Variants in FAM216A observed in about 807,000 individuals in gnomAD.
FAM216A encodes the protein protein FAM216A.
In FAM216A, 26 loss-of-function variants were observed where a neutral mutation model predicts 37.6. That is an observed-to-expected ratio of 0.69 (90% CI 0.51 to 0.96). The LOEUF (loss-of-function observed/expected upper bound fraction) is 0.96, where lower values mean the gene tolerates loss of function less well. FAM216A is among the 40% of genes least tolerant of loss of function. The pLI, the probability that FAM216A is intolerant of heterozygous loss-of-function variation, is 0.00. For synonymous variants in FAM216A, 110 were observed against 121.7 expected (o/e 0.90, Z 0.64); for missense variants, 326 against 339.3 (o/e 0.96, Z 0.31).
chr12:110,471,016 A>G (rs2135539407), intron 1 of FAM216A, among the ~76,000 whole-genome samples: 1 of 152,246 alleles, frequency 6.6e-6, no homozygotes, highest in East Asian at 1.9e-4. Context: ...AATTCCGGTC[A>G]TATTTACTAA....
chr12:110,475,821 C>T (rs916487261), intron 2 of FAM216A, among the ~76,000 whole-genome samples: 3 of 152,158 alleles, frequency 2.0e-5, no homozygotes, highest in African/African-American at 7.2e-5. Flanking sequence ...ACTGCAGCCT[C>T]CACCTCCTGG....
At position 110,481,457 on chromosome 12, in the gene FAM216A, G is replaced by A. The variant is rs531405792; in HGVS notation, c.185-3621G>A. Among the ~76,000 whole-genome samples, 7 of 152,082 alleles carry A rather than the reference G, an allele frequency of 4.6e-5. No individual in the cohort carries two copies. The South Asian group carries it at 1.5e-3, about 32-fold the overall frequency. ...CCTGCCAGGTTCAAGTGATTCTTCTGCCTCAGCCTCCCAAGTAGCTGGGAT... is the reference window on the plus strand; with the variant it reads ...CCTGCCAGGTTCAAGTGATTCTTCTACCTCAGCCTCCCAAGTAGCTGGGAT... On this transcript the variant is annotated intron_variant, in intron 2 of 6. Coordinates refer to ENST00000377673, the MANE Select transcript of FAM216A (RefSeq NM_013300.3).
At chr12:110,481,494 G>C (rs1224806846) in intron 2 of FAM216A, among the ~76,000 whole-genome samples, 1 of 151,308 alleles carries the variant, frequency 6.6e-6, no homozygotes, top group Non-Finnish European at 1.5e-5. Flanking sequence ...ACAGGGGTGT[G>C]ACACCATGCC....
chr12:110,485,092 G>T lies in FAM216A; in HGVS notation c.199G>T (p.Gly67Ter), dbSNP rs983586082. The T allele has an allele frequency of 1.2e-6, 2 of 1,608,764 alleles. No individual in the cohort carries two copies. The highest frequency in any genetic ancestry group is 1.7e-6 in the Non-Finnish European group (2 of 1,178,648). The part of the protein sequence containing the change: ...NSKGSDRIKD[G>*]YKVNSHIAKL... ...TTTGCCTACAGATAGAATCAAAGAT[G>T]GATACAAAGTGAACTCACACATAGC... The change falls in exon 3 of 7, where the codon GGA becomes TGA. Residue 67 changes from glycine (G) to a stop codon, truncating the protein, a stop_gained. Coordinates refer to ENST00000377673, the MANE Select transcript of FAM216A (RefSeq NM_013300.3). LOFTEE classifies it high-confidence loss of function.
chr12:110,479,466 T>C (rs1187973724), intron 2 of FAM216A, among the ~76,000 whole-genome samples: 1 of 151,468 alleles, frequency 6.6e-6, no homozygotes, highest in Non-Finnish European at 1.5e-5. Flanking sequence ...TTAACTACAA[T>C]ATATTATTTG....
chr12:110,484,624 A>G (rs149610664), intron 2 of FAM216A, among the ~76,000 whole-genome samples: 62 of 152,020 alleles, frequency 4.1e-4, no homozygotes, highest in African/African-American at 1.4e-3. Context: ...ATATTTATTT[A>G]CAAGTATCTT....
upstream of FAM216A, chr12:110,468,493 A>G (rs1214582145): frequency 3.9e-6 from 6 of 1,537,232 alleles, no homozygotes; most frequent in Admixed American, 3.9e-5. Context: ...CGGACAACAG[A>G]TAAAGCTCCG....
chr12:110,488,410 C>CAAAAA (rs572459416), intron 6 of FAM216A, among the ~76,000 whole-genome samples: 22 of 49,982 alleles, frequency 4.4e-4, no homozygotes, highest in East Asian at 5.8e-4. Flanking sequence ...GACTCCATCT[C>CAAAAA]AAAAAAAAAA....
intron 2 of FAM216A, among the ~76,000 whole-genome samples, chr12:110,479,164 A>T (rs1393125354): frequency 7.6e-6 from 1 of 131,204 alleles, no homozygotes. Flanking sequence ...ACTCTGTCTC[A>T]AAAAAAAAAA....
rs190191495 is a variant in FAM216A at position 110,474,299 on chromosome 12, G to A, written c.184+1181G>A. Among the ~76,000 whole-genome samples the A allele has an allele frequency of 9.8e-4, 149 of 152,094 alleles. 2 individuals carry two copies. The South Asian group carries it at 0.015, about 15-fold the overall frequency. ...AATAAAGAAATATTAACAATTATCAGTATATTAGATTGACTTAGTTATATA... is the reference window on the plus strand; with the variant it reads ...AATAAAGAAATATTAACAATTATCAATATATTAGATTGACTTAGTTATATA... On this transcript the variant is annotated intron_variant, in intron 2 of 6. Coordinates refer to ENST00000377673, the MANE Select transcript of FAM216A (RefSeq NM_013300.3).
intron 6 of FAM216A, among the ~76,000 whole-genome samples, chr12:110,488,997 T>A (rs1294283969): frequency 6.6e-6 from 1 of 152,164 alleles, no homozygotes; most frequent in Non-Finnish European, 1.5e-5. Context: ...GCCAAGCAGG[T>A]GATATTATCA....
intron 2 of FAM216A, among the ~76,000 whole-genome samples, chr12:110,481,565 GT>G (rs2062747237): frequency 1.3e-5 from 2 of 149,466 alleles, no homozygotes; most frequent in Admixed American, 1.3e-4. Flanking sequence ...GTTTCACCAT[GT>G]TGCCCAGGCT....
chr12:110,486,741 G>C, intron 5 of FAM216A, 24 bp downstream of exon 5: 3 of 1,584,718 alleles, frequency 1.9e-6, no homozygotes, highest in Non-Finnish European at 2.6e-6. Flanking sequence ...TGTAAAAGGG[G>C]GGAAATGCAT....
chr12:110,476,681 C>A (rs1285443891), intron 2 of FAM216A, among the ~76,000 whole-genome samples: 2 of 151,880 alleles, frequency 1.3e-5, no homozygotes, highest in Non-Finnish European at 2.9e-5. Context: ...GCACATGCCA[C>A]CATGCCTGGC....
intron 6 of FAM216A, among the ~76,000 whole-genome samples, chr12:110,488,709 G>A (rs910371192): frequency 6.6e-6 from 1 of 152,144 alleles, no homozygotes; most frequent in Non-Finnish European, 1.5e-5. Flanking sequence ...AAGACCCCCA[G>A]TGGATGGCTG....
intron 5 of FAM216A, chr12:110,487,010 C>A (rs531602416): frequency 4.5e-5 from 14 of 311,472 alleles, no homozygotes; most frequent in Admixed American, 4.2e-4. Flanking sequence ...GGATTACAGG[C>A]GTGAGCTACT....
upstream of FAM216A, chr12:110,468,644 T>C (rs1592971623): frequency 6.5e-7 from 1 of 1,537,048 alleles, no homozygotes; most frequent in Non-Finnish European, 8.7e-7. Context: ...CATGTATATT[T>C]CCCTCCTGTG....
At chr12:110,472,053 G>A (rs544676030) in intron 1 of FAM216A, among the ~76,000 whole-genome samples, 33 of 151,964 alleles carry the variant, frequency 2.2e-4, no homozygotes, top group Non-Finnish European at 3.7e-4. Flanking sequence ...CCAACATGGC[G>A]AAACCTTGTC....
At chr12:110,472,678 C>T (rs1359926400) in intron 1 of FAM216A, among the ~76,000 whole-genome samples, 2 of 152,074 alleles carry the variant, frequency 1.3e-5, no homozygotes, top group Admixed American at 1.3e-4. Context: ...GCAACACTAT[C>T]CTTTTTTAAA....
Sources: gnomAD v4.1 joint callset for allele counts (sites outside exome capture counted in the v4.1 genomes callset) on GRCh38, gnomAD v4.1.1 for gene constraint, MANE v1.5 for transcripts, NCBI Gene and HGNC (gene_info 2026-07-23, HGNC 2026-07-21) for gene names.